Variants in WDR27 observed in about 807,000 individuals in gnomAD.
WDR27 encodes WD repeat-containing protein 27.
Under a neutral mutation model 114.4 loss-of-function variants are expected in WDR27, and 100 were observed. That is an observed-to-expected ratio of 0.87 (90% CI 0.74 to 1.03). The LOEUF is 1.03. WDR27 is among the 50% of genes least tolerant of loss of function. The pLI, the probability that WDR27 is intolerant of heterozygous loss-of-function variation, is 0.00. For synonymous variants in WDR27, 449 were observed against 423.1 expected, an observed-to-expected ratio of 1.06 and a Z score of -0.75; for missense variants, 1,129 against 1,092.9, an observed-to-expected ratio of 1.03 and a Z score of -0.47.
intron 25 of WDR27, chr6:169,558,734 C>A (rs1584210793): frequency 6.6e-6 from 1 of 152,268 alleles, no homozygotes. Flanking sequence ...TTCGGAAACA[C>A]TCCAGCAGAT....
In WDR27 at chr6:169,659,218, G is replaced by A. The variant is rs372535808; in HGVS notation, c.1198-11C>T. 1.4e-4 allele frequency: 228 copies of A among 1,585,296 alleles called. No homozygotes were observed. Among genetic ancestry groups the A allele is most frequent in the Non-Finnish European group, 1.9e-4 (219 of 1,167,744 alleles). Reference sequence around the variant, plus strand: ...CAGCAAGCACAGCACCTGCAGGGACGCGGTTTCAACATCGTTAGCGACACC... The same window carrying A: ...CAGCAAGCACAGCACCTGCAGGGACACGGTTTCAACATCGTTAGCGACACC... On this transcript the variant is annotated splice_polypyrimidine_tract_variant and intron_variant, in intron 11 of 25. Transcript: ENST00000448612. This position sits in a 1 kb window ranked among gnomAD's most constrained non-coding sequence, Gnocchi z 4.3.
chr6:169,495,583 A>G (rs1195448817), intron 25 of WDR27, among the ~76,000 whole-genome samples: 1 of 152,004 alleles, frequency 6.6e-6, no homozygotes, highest in African/African-American at 2.4e-5. Context: ...TCAAATTACT[A>G]AAATCAGAAA....
At chr6:169,519,065 A>G (rs1562524745) in intron 25 of WDR27, among the ~76,000 whole-genome samples, 1 of 152,218 alleles carries the variant, frequency 6.6e-6, no homozygotes, top group Non-Finnish European at 1.5e-5. Context: ...CCAGTTCTCC[A>G]TAAGTTCCTC....
At chr6:169,532,138 T>G (rs758602921) in intron 25 of WDR27, among the ~76,000 whole-genome samples, 4 of 152,162 alleles carry the variant, frequency 2.6e-5, no homozygotes, top group Non-Finnish European at 5.9e-5. Flanking sequence ...TGAAAATTTT[T>G]GAATAATTAT....
intron 21 of WDR27, among the ~76,000 whole-genome samples, chr6:169,627,660 G>A (rs1208692488): frequency 6.6e-6 from 1 of 152,202 alleles, no homozygotes; most frequent in African/African-American, 2.4e-5. Context: ...GCTCAGGCAG[G>A]TGCAGCCACA....
At position 169,604,987 on chromosome 6, in the gene WDR27, G is replaced by A. The variant is rs80010411; in HGVS notation, c.2322-2666C>T. ...CCATATACAACAGTCCAATAGCCAA[G>A]GTCATACTGAATGGGGGAAAATTGA... On this transcript the variant is annotated intron_variant, in intron 22 of 25. Transcript: ENST00000448612. Among the ~76,000 whole-genome samples the A allele has an allele frequency of 8.3e-4, 125 of 151,176 alleles. 1 individual carries two copies. In the East Asian group the frequency reaches 0.018, roughly 22 times the overall value.
chr6:169,585,771 G>A (rs919697317), intron 23 of WDR27, among the ~76,000 whole-genome samples: 1 of 152,116 alleles, frequency 6.6e-6, no homozygotes, highest in Non-Finnish European at 1.5e-5. Context: ...GGCTGGGGAG[G>A]AGGAGTAGCA....
At chr6:169,520,232 C>T (rs1402590646) in intron 25 of WDR27, among the ~76,000 whole-genome samples, 2 of 152,150 alleles carry the variant, frequency 1.3e-5, no homozygotes, top group Non-Finnish European at 2.9e-5. Flanking sequence ...GCTTCCCACA[C>T]TGCTGGAATA....
chr6:169,472,474 T>A (rs1786554727), intron 25 of WDR27, among the ~76,000 whole-genome samples: 4 of 152,214 alleles, frequency 2.6e-5, no homozygotes, highest in Non-Finnish European at 4.4e-5. Flanking sequence ...TTAAATTCTC[T>A]TTACCTCAGT....
chr6:169,684,255 C>T lies in WDR27; in HGVS notation c.189+4562G>A, dbSNP rs982160065. On this transcript the variant is annotated intron_variant, in intron 2 of 25. Coordinates refer to ENST00000448612, the MANE Select transcript of WDR27 (RefSeq NM_182552.5). The surrounding 1 kb of genome is among the most constrained non-coding windows in gnomAD (Gnocchi z 4.3). ...CACACCCTCCTCAAAGCAGGAGAGGCTCCTGAGACTCCTAACAGATGATTC... is the reference window on the plus strand; with the variant it reads ...CACACCCTCCTCAAAGCAGGAGAGGTTCCTGAGACTCCTAACAGATGATTC... Among the ~76,000 whole-genome samples the T allele has an allele frequency of 6.6e-6, 1 of 152,160 alleles. No individual in the cohort carries two copies. Among genetic ancestry groups the T allele is most frequent in the African/African-American group, 2.4e-5 (1 of 41,428 alleles).
At chr6:169,461,148 G>A (rs1441636938) in intron 25 of WDR27, among the ~76,000 whole-genome samples, 1 of 152,012 alleles carries the variant, frequency 6.6e-6, no homozygotes, top group Non-Finnish European at 1.5e-5. Flanking sequence ...AGAATTTAAG[G>A]AAGAAATAAA....
chr6:169,485,322 G>GA (rs1788741016), intron 25 of WDR27, among the ~76,000 whole-genome samples: 2 of 152,034 alleles, frequency 1.3e-5, no homozygotes, highest in African/African-American at 2.4e-5. Context: ...CAACTTTACA[G>GA]AAAAAACAAC....
intron 2 of WDR27, among the ~76,000 whole-genome samples, chr6:169,679,302 A>G (rs1036893409): frequency 2.0e-5 from 3 of 152,364 alleles, no homozygotes; most frequent in Non-Finnish European, 2.9e-5. Flanking sequence ...TTGGCTCAAA[A>G]TAAATCTCTT....
chr6:169,500,745 G>A (rs1052446897), intron 25 of WDR27, among the ~76,000 whole-genome samples: 2 of 152,208 alleles, frequency 1.3e-5, no homozygotes, highest in African/African-American at 4.8e-5. Flanking sequence ...CGACATGGTG[G>A]AGACCGCAGT....
intron 21 of WDR27, among the ~76,000 whole-genome samples, chr6:169,626,229 G>T (rs1167037958): frequency 2.6e-5 from 4 of 152,194 alleles, no homozygotes; most frequent in African/African-American, 9.7e-5. Flanking sequence ...ACAGAAGACG[G>T]CAGCGCTAGG....
intron 24 of WDR27, among the ~76,000 whole-genome samples, chr6:169,580,468 G>A (rs1288305187): frequency 2.6e-5 from 4 of 152,232 alleles, no homozygotes; most frequent in Non-Finnish European, 5.9e-5. Context: ...TTCTAAGAAA[G>A]CTGGTTTTGA....
intron 25 of WDR27, among the ~76,000 whole-genome samples, chr6:169,489,787 C>T (rs1211038296): frequency 6.6e-6 from 1 of 152,202 alleles, no homozygotes; most frequent in Non-Finnish European, 1.5e-5. Context: ...TCTCCAAAGA[C>T]TTCAATTCTA....
the WDR27 span, among the ~76,000 whole-genome samples, chr6:169,444,043 C>T: frequency 8.3e-4 from 127 of 152,294 alleles, no homozygotes; most frequent in African/African-American, 2.5e-3. Flanking sequence ...TGGATGCCAA[C>T]GCTGGCTCTA....
chr6:169,478,332 A>G (rs1010539079), intron 25 of WDR27, among the ~76,000 whole-genome samples: 1 of 152,232 alleles, frequency 6.6e-6, no homozygotes, highest in Admixed American at 6.5e-5. Flanking sequence ...TAATGCAGAT[A>G]ATGGAAGTTG....
Sources: gnomAD v4.1 joint callset for allele counts (sites outside exome capture counted in the v4.1 genomes callset) on GRCh38, gnomAD v4.1.1 for gene constraint, Gnocchi (gnomAD v3.1) non-coding constraint, MANE v1.5 for transcripts, NCBI Gene and HGNC (gene_info 2026-07-23, HGNC 2026-07-21) for gene names.